The following ARF1 variants were observed in gnomAD, a reference collection of about 807,000 sequenced individuals.
ARF1 encodes ADP-ribosylation factor 1.
Under a neutral mutation model 18.0 loss-of-function variants are expected in ARF1, and 1 was observed. That is an observed-to-expected ratio of 0.06 (90% CI 0.02 to 0.26). The LOEUF is 0.26. Among genes scored for constraint, ARF1 ranks in the 10% least tolerant of loss-of-function variants. ARF1 has a pLI of 1.00. For missense variants in ARF1, 73 were observed against 247.2 expected, an observed-to-expected ratio of 0.30 and a Z score of 4.73; for synonymous variants, 112 against 96.3, an observed-to-expected ratio of 1.16 and a Z score of -0.95.
intron 1 of ARF1, among the ~76,000 whole-genome samples, chr1:228,085,285 C>G (rs1420490593): frequency 6.6e-6 from 1 of 152,252 alleles, no homozygotes; most frequent in Non-Finnish European, 1.5e-5. Flanking sequence ...GGTTAATATT[C>G]TCCTGTGATT....
At chr1:228,090,220 C>T (rs1414425345) in intron 1 of ARF1, among the ~76,000 whole-genome samples, 1 of 152,200 alleles carries the variant, frequency 6.6e-6, no homozygotes, top group Non-Finnish European at 1.5e-5. Context: ...AGTGCCTGCC[C>T]TCAAGTTGGA....
At chr1:228,091,030 A>G (rs1018480762) in intron 1 of ARF1, 23 of 152,244 alleles carry the variant, frequency 1.5e-4, no homozygotes, top group African/African-American at 5.1e-4. Context: ...TTGAAGTAAC[A>G]CTTCACAAAT....
chr1:228,084,482 C>T (rs2032331938), intron 1 of ARF1, among the ~76,000 whole-genome samples: 1 of 152,226 alleles, frequency 6.6e-6, no homozygotes, highest in Non-Finnish European at 1.5e-5. Context: ...AGATTTGAAA[C>T]AGTTGGTTTG....
In ARF1 at chr1:228,089,710, T is replaced by G. The variant is rs2032516468; in HGVS notation, c.-38+6945T>G. 6.6e-6 allele frequency among the ~76,000 whole-genome samples: 1 copy of G among 152,110 alleles called. No homozygotes were observed. On this transcript the variant is annotated intron_variant, in intron 1 of 4. Coordinates refer to ENST00000272102, the MANE Select transcript of ARF1 (RefSeq NM_001658.4). The surrounding 1 kb of genome is among the most constrained non-coding windows in gnomAD (Gnocchi z 4.1). ...GAAGGAGCAACTTGCTCTCCCAGTT[T>G]ATGACAGCAACACCAGCAGTGTGCT...
intron 1 of ARF1, among the ~76,000 whole-genome samples, chr1:228,095,176 A>C (rs822725): frequency 0.72 from 108,544 of 151,322 alleles, 38,928 homozygotes; most frequent in East Asian, 0.79. Flanking sequence ...TTAAAATAGT[A>C]TTCTGTCTTC....
rs1450663608 is a variant in ARF1 at position 228,089,369 on chromosome 1, G to C, written c.-38+6604G>C. Among the ~76,000 whole-genome samples the C allele has an allele frequency of 2.0e-5, 3 of 152,094 alleles. No homozygotes were observed. The highest frequency in any genetic ancestry group is 7.2e-5 in the African/African-American group (3 of 41,414). ...AGGGCGGTGGCCTCCCAGGGTCTGT[G>C]GGGGGGCATCCCCGTCTCTTTACAT... On this transcript the variant is annotated intron_variant, in intron 1 of 4. Transcript: ENST00000272102. The surrounding 1 kb of genome is among the most constrained non-coding windows in gnomAD (Gnocchi z 4.1).
At chr1:228,086,533 A>G (rs1011580766) in intron 1 of ARF1, among the ~76,000 whole-genome samples, 5 of 152,048 alleles carry the variant, frequency 3.3e-5, no homozygotes, top group African/African-American at 4.8e-5. Context: ...AAAAAAAGAA[A>G]AAAAAGAAAC....
At chr1:228,094,912 T>TC (rs2032691011) in intron 1 of ARF1, among the ~76,000 whole-genome samples, 1 of 152,164 alleles carries the variant, frequency 6.6e-6, no homozygotes, top group African/African-American at 2.4e-5. Context: ...CTCATCTAGG[T>TC]CCTTGGCTTT....
chr1:228,092,539 C>G (rs1389642385), intron 1 of ARF1, among the ~76,000 whole-genome samples: 1 of 152,240 alleles, frequency 6.6e-6, no homozygotes, highest in East Asian at 1.9e-4. Context: ...AGAACAGAAT[C>G]TTGGACCTGG....
At position 228,097,047 on chromosome 1, in the gene ARF1, G is replaced by A. The variant is rs2032769835; in HGVS notation, c.-37-31G>A. On this transcript the variant is annotated intron_variant, in intron 1 of 4. Transcript: ENST00000272102. The surrounding 1 kb of genome is among the most constrained non-coding windows in gnomAD (Gnocchi z 8.1). The stretch of plus-strand genomic sequence containing the variant: ...TGAGCAACCACTGCTGGGCAGCACA[G>A]AACCAGACATGGAGCACCTTGTCTC... 5.9e-6 allele frequency: 9 copies of A among 1,535,402 alleles called. No homozygotes were observed. Among genetic ancestry groups the A allele is most frequent in the Non-Finnish European group, 7.9e-6 (9 of 1,138,194 alleles).
At chr1:228,084,904 G>C (rs2032345238) in intron 1 of ARF1, among the ~76,000 whole-genome samples, 1 of 152,186 alleles carries the variant, frequency 6.6e-6, no homozygotes, top group Non-Finnish European at 1.5e-5. Flanking sequence ...CACAGGCCAG[G>C]CTCCACCAAG....
At chr1:228,083,444 G>C (rs2032287610) in intron 1 of ARF1, 1 of 152,368 alleles carries the variant, frequency 6.6e-6, no homozygotes, top group East Asian at 1.9e-4. Flanking sequence ...CCTGTCTGCT[G>C]AACGGAATGC....
At chr1:228,096,706 G>A (rs1223264560) in intron 1 of ARF1, among the ~76,000 whole-genome samples, 2 of 152,218 alleles carry the variant, frequency 1.3e-5, no homozygotes, top group East Asian at 1.9e-4. Flanking sequence ...GGCACAGTGA[G>A]TGGTGCTCTC....
Position 228,097,017 on chromosome 1 carries a change from G to A in ARF1, c.-37-61G>A. 1 of 1,440,266 alleles carries A rather than the reference G, an allele frequency of 6.9e-7. No homozygotes were observed. Among genetic ancestry groups the A allele is most frequent in the Non-Finnish European group, 9.3e-7 (1 of 1,072,246 alleles). 89.2% of individuals were successfully genotyped at this position (1,440,266 alleles called of 1,614,324 possible). Reference sequence around the variant, plus strand: ...GCAGTGGTGCATCCCTGGGTGGGTGGGTTCTGAGCAACCACTGCTGGGCAG... The same window carrying A: ...GCAGTGGTGCATCCCTGGGTGGGTGAGTTCTGAGCAACCACTGCTGGGCAG... On this transcript the variant is annotated intron_variant, in intron 1 of 4. Transcript: ENST00000272102. The surrounding 1 kb of genome is among the most constrained non-coding windows in gnomAD (Gnocchi z 8.1).
rs2032787166 is a variant in ARF1, at chr1:228,097,406, G to A, written c.213G>A (p.Gln71=). Residue 71 remains glutamine (Q), a synonymous_variant, in exon 3 of 5, where the codon CAG becomes CAA. Coordinates refer to ENST00000272102, the MANE Select transcript of ARF1 (RefSeq NM_001658.4). The surrounding 1 kb of genome is among the most constrained non-coding windows in gnomAD (Gnocchi z 8.1). Reference sequence around the variant, plus strand: ...TCACTGTGTGGGACGTGGGTGGCCAGGACAAGATCCGGCCCCTGTGGCGCC... The same window carrying A: ...TCACTGTGTGGGACGTGGGTGGCCAAGACAAGATCCGGCCCCTGTGGCGCC... ...ISFTVWDVGG[Q]DKIRPLWRHY... The A allele has an allele frequency of 1.9e-6, 3 of 1,614,094 alleles. No individual in the cohort carries two copies. The highest frequency in any genetic ancestry group is 1.7e-5 in the Admixed American group (1 of 60,008).
At chr1:228,093,670 C>T (rs1443637960) in intron 1 of ARF1, among the ~76,000 whole-genome samples, 1 of 151,006 alleles carries the variant, frequency 6.6e-6, no homozygotes, top group Non-Finnish European at 1.5e-5. Flanking sequence ...CTCCTGTAAT[C>T]CCAGCACTTT....
Position 228,099,174 on chromosome 1 carries a change from T to C in ARF1, c.*1161T>C, listed in dbSNP as rs2032867287. 6.5e-6 allele frequency: 1 copy of C among 152,688 alleles called. No homozygotes were observed. The highest frequency in any genetic ancestry group is 6.5e-5 in the Admixed American group (1 of 15,288). 9.5% of individuals were successfully genotyped at this position (152,688 alleles called of 1,614,324 possible). ...TTTTCATTTCGACAAACAAGCACTG[T>C]AATTATAGCTATTAGAATAAAATCT... On this transcript the variant is annotated 3_prime_UTR_variant, in exon 5 of 5. Coordinates refer to ENST00000272102, the MANE Select transcript of ARF1 (RefSeq NM_001658.4).
rs533350846 is a variant in ARF1 at position 228,089,833 on chromosome 1, G to A, written c.-38+7068G>A. On this transcript the variant is annotated intron_variant, in intron 1 of 4. Coordinates refer to ENST00000272102, the MANE Select transcript of ARF1 (RefSeq NM_001658.4). The surrounding 1 kb of genome is among the most constrained non-coding windows in gnomAD (Gnocchi z 4.1). ...ACAATGGTGGGCCTATGTTCGTCCAGAACAGTGCCTGGCAGTAGCTCAGTG... is the reference window on the plus strand; with the variant it reads ...ACAATGGTGGGCCTATGTTCGTCCAAAACAGTGCCTGGCAGTAGCTCAGTG... Among the ~76,000 whole-genome samples, 1 of 152,240 alleles carries A rather than the reference G, an allele frequency of 6.6e-6. No homozygotes were observed. Among genetic ancestry groups the A allele is most frequent in the South Asian group, 2.1e-4 (1 of 4,834 alleles).
Position 228,097,909 on chromosome 1 carries a change from C to A in ARF1, c.442C>A (p.Leu148Ile). 1 of 1,614,186 alleles carries A rather than the reference C, an allele frequency of 6.2e-7. No homozygotes were observed. Among genetic ancestry groups the A allele is most frequent in the South Asian group, 1.1e-5 (1 of 91,086 alleles). The change falls in exon 5 of 5, where the codon CTA becomes ATA. Residue 148 changes from leucine (L) to isoleucine (I), a missense_variant. Leu to Ile is a conservative substitution (Grantham distance 5). Transcript: ENST00000272102. The surrounding 1 kb of genome is among the most constrained non-coding windows in gnomAD (Gnocchi z 8.1). ...EITDKLGLHS[L>I]RHRNWYIQAT... ...CACAGACAAGCTGGGGCTGCACTCA[C>A]TACGCCACAGGAACTGGTACATTCA...
Sources: gnomAD v4.1 joint callset for allele counts (sites outside exome capture counted in the v4.1 genomes callset) on GRCh38, gnomAD v4.1.1 for gene constraint, Gnocchi (gnomAD v3.1) non-coding constraint, MANE v1.5 for transcripts, NCBI Gene and HGNC (gene_info 2026-07-23, HGNC 2026-07-21) for gene names.